The following FOXP2 variants were observed in gnomAD, a reference collection of about 807,000 sequenced individuals.
FOXP2 encodes forkhead box P2.
A neutral mutation model predicts 115.8 loss-of-function variants in FOXP2; 12 were observed. The ratio of observed to expected loss-of-function variants is 0.10; its 90% CI spans 0.07 to 0.17. The LOEUF (loss-of-function observed/expected upper bound fraction) is 0.17. Among genes scored for constraint, FOXP2 ranks in the 10% least tolerant of loss-of-function variants. FOXP2 has a pLI of 1.00. For missense variants in FOXP2, 629 were observed against 843.5 expected (o/e 0.75, Z 3.15); for synonymous variants, 328 against 297.7 (o/e 1.10, Z -1.05).
intron 1 of FOXP2, among the ~76,000 whole-genome samples, chr7:114,248,963 C>T (rs746752287): frequency 9.9e-5 from 15 of 152,170 alleles, no homozygotes; most frequent in Admixed American, 8.5e-4. Context: ...CCTGACTTGT[C>T]ATTCAGAAAT....
chr7:114,644,624 A>C, intron 7 of FOXP2, 61 bp from the exon 8 acceptor site: 3 of 1,371,006 alleles, frequency 2.2e-6, no homozygotes, highest in Non-Finnish European at 3.1e-6. Flanking sequence ...GACAGGCGCT[A>C]GCAGCCTGCA....
intron 1 of FOXP2, among the ~76,000 whole-genome samples, chr7:114,146,308 A>C (rs1301759763): frequency 6.6e-6 from 1 of 152,214 alleles, no homozygotes; most frequent in East Asian, 1.9e-4. Context: ...ACTAGGCATA[A>C]TACATGTTGA....
intron 8 of FOXP2, chr7:114,645,131 T>A (rs1356628543): frequency 2.8e-4 from 1 of 3,594 alleles, no homozygotes; most frequent in African/African-American, 1.8e-3. Flanking sequence ...GTCATCCTAA[T>A]ATATATATAT....
chr7:114,301,219 A>G (rs1021537269), intron 2 of FOXP2, among the ~76,000 whole-genome samples: 21 of 152,086 alleles, frequency 1.4e-4, no homozygotes, highest in African/African-American at 4.8e-4. Flanking sequence ...ACAAGTGAGA[A>G]ACAAAACAAA....
chr7:114,221,251 A>T (rs1794613550), intron 1 of FOXP2, among the ~76,000 whole-genome samples: 1 of 152,136 alleles, frequency 6.6e-6, no homozygotes, highest in Admixed American at 6.5e-5. Context: ...TATTCTTCAT[A>T]TGGGTAAAAA....
chr7:114,628,908 T>C, intron 4 of FOXP2: 2 of 516,340 alleles, frequency 3.9e-6, no homozygotes, highest in East Asian at 7.4e-5. Flanking sequence ...AGAGGTGTAA[T>C]TTGAAAATGG....
At chr7:114,494,764 A>T (rs1797233414) in intron 2 of FOXP2, among the ~76,000 whole-genome samples, 1 of 152,202 alleles carries the variant, frequency 6.6e-6, no homozygotes, top group Non-Finnish European at 1.5e-5. Context: ...ACAAAGACTC[A>T]TGCCACTGAA....
At chr7:114,463,257 G>A in intron 2 of FOXP2, 1 of 214,006 alleles carries the variant, frequency 4.7e-6, no homozygotes, top group Non-Finnish European at 9.9e-6. Context: ...AAATTTCGGA[G>A]GAGAAAACTA....
intron 1 of FOXP2, among the ~76,000 whole-genome samples, chr7:114,110,353 T>C (rs184455345): frequency 8.5e-5 from 13 of 152,288 alleles, no homozygotes; most frequent in Admixed American, 8.5e-4. Context: ...ATGTCAAAAT[T>C]AACCACAAGA....
chr7:114,378,514 T>C (rs774883976), intron 2 of FOXP2, among the ~76,000 whole-genome samples: 10 of 151,234 alleles, frequency 6.6e-5, no homozygotes, highest in South Asian at 2.1e-4. Context: ...GGAGACCTTC[T>C]CTCTACAAAA....
chr7:114,397,906 A>C (rs1194600082), intron 2 of FOXP2, among the ~76,000 whole-genome samples: 2 of 152,192 alleles, frequency 1.3e-5, no homozygotes, highest in Non-Finnish European at 2.9e-5. Context: ...ATCCATTGGA[A>C]GATTTGGAGT....
At position 114,569,565 on chromosome 7, in the gene FOXP2, A is replaced by T. The variant is rs1801189888; in HGVS notation, c.258+34859A>T. 2.6e-5 allele frequency among the ~76,000 whole-genome samples: 4 copies of T among 151,944 alleles called. No homozygotes were observed. The South Asian group carries it at 8.3e-4, about 31-fold the overall frequency. On this transcript the variant is annotated intron_variant, in intron 3 of 16. Coordinates refer to ENST00000350908, the MANE Select transcript of FOXP2 (RefSeq NM_014491.4). Reference sequence around the variant, plus strand: ...ACTGGTGCCAAATAAGGTTAGCAAGAGTAGCACAAGGCTGTTGACAAAATA... The same window carrying T: ...ACTGGTGCCAAATAAGGTTAGCAAGTGTAGCACAAGGCTGTTGACAAAATA...
At chr7:114,339,396 GTGT>G (rs1791145445) in intron 2 of FOXP2, among the ~76,000 whole-genome samples, 1 of 151,336 alleles carries the variant, frequency 6.6e-6, no homozygotes, top group African/African-American at 2.4e-5. Flanking sequence ...AATATAATTA[GTGT>G]TGTTTTGCTT....
At chr7:114,399,963 T>C (rs1020946688) in intron 2 of FOXP2, among the ~76,000 whole-genome samples, 1 of 151,690 alleles carries the variant, frequency 6.6e-6, no homozygotes, top group Non-Finnish European at 1.5e-5. Flanking sequence ...TTCAAGCGAT[T>C]CTCCTGCCTC....
upstream of FOXP2, among the ~76,000 whole-genome samples, chr7:114,162,278 C>T (rs1020093250): frequency 2.4e-4 from 36 of 152,008 alleles, no homozygotes; most frequent in African/African-American, 8.5e-4. Flanking sequence ...ATTTTTACAT[C>T]TTGTAAATTT....
chr7:114,366,040 C>T (rs1791872505), intron 2 of FOXP2, among the ~76,000 whole-genome samples: 1 of 152,082 alleles, frequency 6.6e-6, no homozygotes, highest in Non-Finnish European at 1.5e-5. Flanking sequence ...AATCTAATTA[C>T]TTTCACCTGT....
intron 2 of FOXP2, among the ~76,000 whole-genome samples, chr7:114,428,166 G>A (rs895745755): frequency 6.6e-6 from 1 of 151,536 alleles, no homozygotes; most frequent in African/African-American, 2.4e-5. Flanking sequence ...TGCAAATCCA[G>A]TGGATTGCGT....
intron 2 of FOXP2, among the ~76,000 whole-genome samples, chr7:114,302,597 G>A (rs921812914): frequency 1.3e-5 from 2 of 152,156 alleles, no homozygotes; most frequent in African/African-American, 4.8e-5. Flanking sequence ...TTATTGTGGT[G>A]GACACACAGA....
At position 114,191,713 on chromosome 7, in the gene FOXP2, T is replaced by C. The variant is rs571992606; in HGVS notation, c.-102+28625T>C. Among the ~76,000 whole-genome samples, 3 of 152,322 alleles carry C rather than the reference T, an allele frequency of 2.0e-5. No homozygotes were observed. In the South Asian group the frequency reaches 6.2e-4, roughly 32 times the overall value. On this transcript the variant is annotated intron_variant, in intron 1 of 17. Transcript: ENST00000634411. The stretch of plus-strand genomic sequence containing the variant: ...TCTCCCAACACAGTTTCCCCTATTA[T>C]TAACACCTTGCATTAGGTACATTTG...
Sources: allele counts gnomAD v4.1 joint callset (sites outside exome capture counted in the v4.1 genomes callset), GRCh38; gene constraint gnomAD v4.1.1; transcripts MANE v1.5; gene names NCBI Gene and HGNC (gene_info 2026-07-23, HGNC 2026-07-21).